Variants in CALY observed in about 807,000 individuals in gnomAD.
CALY encodes the protein neuron-specific vesicular protein calcyon.
Under a neutral mutation model 20.2 loss-of-function variants are expected in CALY, and 15 were observed. The observed-to-expected ratio is 0.74, with a 90% confidence interval of 0.50 to 1.14. The LOEUF is 1.14. Among genes scored for constraint, CALY ranks in the 50% most tolerant of loss-of-function variants. The probability of loss-of-function intolerance (pLI) is 0.00; values close to 1 mark genes in which losing one functional copy is unlikely to be tolerated. For synonymous variants in CALY, 129 were observed against 131.8 expected (o/e 0.98, Z 0.15); for missense variants, 270 against 304.4 (o/e 0.89, Z 0.84).
chr10:133,331,841 A>T (rs569186083), intron 1 of CALY, among the ~76,000 whole-genome samples: 1 of 152,222 alleles, frequency 6.6e-6, no homozygotes, highest in Non-Finnish European at 1.5e-5. Context: ...GGAAAAGAAC[A>T]TGGATTGCCA....
intron 3 of CALY, chr10:133,327,376 G>A (rs1233705120): frequency 4.0e-6 from 2 of 493,920 alleles, no homozygotes; most frequent in Non-Finnish European, 7.2e-6. Context: ...TGCCCACAGT[G>A]GGTGCATGTG....
At chr10:133,333,292 T>TGGG (rs371029336) in intron 1 of CALY, among the ~76,000 whole-genome samples, 2 of 36,728 alleles carry the variant, frequency 5.4e-5, no homozygotes, top group African/African-American at 1.9e-4. Context: ...ATTGAGGGGG[T>TGGG]GGGGGGGGGG....
intron 1 of CALY, among the ~76,000 whole-genome samples, chr10:133,336,169 G>A (rs1254421761): frequency 6.6e-6 from 1 of 152,146 alleles, no homozygotes; most frequent in African/African-American, 2.4e-5. Context: ...TGGCTGCCCC[G>A]CTTATTAAAA....
At chr10:133,329,078 A>G (rs1293081099) in intron 1 of CALY, 69 bp from the exon 2 acceptor site, 1 of 1,364,082 alleles carries the variant, frequency 7.3e-7, no homozygotes, top group African/African-American at 1.4e-5. Context: ...CTGGCTCTGA[A>G]GCCAGAGGAC....
chr10:133,329,326 C>A (rs999002819), intron 1 of CALY, among the ~76,000 whole-genome samples: 29 of 152,132 alleles, frequency 1.9e-4, no homozygotes, highest in African/African-American at 6.7e-4. Flanking sequence ...CCTCTTTTTT[C>A]TTCTTCTTCC....
rs151251649 is a variant in CALY, at chr10:133,326,037, G to C, written c.444C>G (p.Ile148Met). 29 of 1,591,830 alleles carry C rather than the reference G, an allele frequency of 1.8e-5. No individual in the cohort carries two copies. The African/African-American group carries it at 3.5e-4, about 19-fold the overall frequency. Residue 148 changes from isoleucine to methionine, a missense_variant, in exon 5 of 6, where the codon ATC becomes ATG. By Grantham distance (10) the Ile-to-Met change is conservative. Coordinates refer to ENST00000252939, the MANE Select transcript of CALY (RefSeq NM_015722.4). ...PERHRSILAA[I>M]GAYPLSRKHG... Reference sequence around the variant, plus strand: ...GCTTGCGGCTCAGCGGGTAGGCCCCGATGGCCGCCAGGATGCTGCGGTGGC... The same window carrying C: ...GCTTGCGGCTCAGCGGGTAGGCCCCCATGGCCGCCAGGATGCTGCGGTGGC...
chr10:133,326,862 G>A lies in CALY; in HGVS notation c.360+16C>T. 1 of 1,570,086 alleles carries A rather than the reference G, an allele frequency of 6.4e-7. No individual in the cohort carries two copies. The highest frequency in any genetic ancestry group is 1.2e-5 in the South Asian group (1 of 86,906). ...GGGCGGCTCTACACCCCCCACCAGA[G>A]CCCTGGCCCCCTTACCCGCAGCAGG... On this transcript the variant is annotated intron_variant, in intron 4 of 5. Transcript: ENST00000252939.
rs1848206534 is a variant in CALY at position 133,326,198 on chromosome 10, G to C, written c.361-78C>G. ...CGGGCCCAGGCCCTCCCGCTTCTGC[G>C]GTTGGGGACACTGCGGACAGTTTGT... On this transcript the variant is annotated intron_variant, in intron 4 of 5. Transcript: ENST00000252939. 9.6e-6 allele frequency: 15 copies of C among 1,556,906 alleles called. No individual in the cohort carries two copies. The South Asian group carries it at 1.4e-4, about 15-fold the overall frequency.
At chr10:133,333,296 G>C (rs1401047001) in intron 1 of CALY, among the ~76,000 whole-genome samples, 7 of 103,424 alleles carry the variant, frequency 6.8e-5, no homozygotes, top group Non-Finnish European at 1.2e-4. Flanking sequence ...AGGGGGTGGG[G>C]GGGGGGGAAG....
intron 1 of CALY, among the ~76,000 whole-genome samples, chr10:133,329,920 C>G (rs1434664067): frequency 6.6e-6 from 1 of 152,210 alleles, no homozygotes; most frequent in Admixed American, 6.5e-5. Flanking sequence ...CACAAGAGGG[C>G]ACCCGCGAGT....
Position 133,324,359 on chromosome 10 carries a change from C to T in CALY, c.*1236G>A, listed in dbSNP as rs757704705. The stretch of plus-strand genomic sequence containing the variant: ...AGGCTTCCTGGGCACTGCCGCTGTT[C>T]CAAAGCAGGCCAGTCCCACTGAGCT... On this transcript the variant is annotated 3_prime_UTR_variant, in exon 6 of 6. Coordinates refer to ENST00000252939, the MANE Select transcript of CALY (RefSeq NM_015722.4). The T allele has an allele frequency of 1.3e-5, 6 of 455,938 alleles. No individual in the cohort carries two copies. Among genetic ancestry groups the T allele is most frequent in the South Asian group, 9.3e-5 (6 of 64,528 alleles). 28.2% of individuals were successfully genotyped at this position (455,938 alleles called of 1,614,324 possible). A position where few individuals can be genotyped will look rare whatever the true frequency, so the allele number is the denominator to read the frequency against.
chr10:133,328,545 C>T (rs946293782), intron 2 of CALY, among the ~76,000 whole-genome samples: 5 of 152,214 alleles, frequency 3.3e-5, no homozygotes, highest in Admixed American at 6.5e-5. Context: ...GGCCATGCCC[C>T]GAGGGGAAGG....
At chr10:133,327,120 G>A in intron 3 of CALY, 129 bp from the exon 4 acceptor site, 1 of 671,336 alleles carries the variant, frequency 1.5e-6, no homozygotes, top group Non-Finnish European at 2.7e-6. Flanking sequence ...CCCGCCCTGG[G>A]CAGCCAGTGG....
chr10:133,327,085 C>A, intron 3 of CALY, 94 bp from the exon 4 acceptor site: 1 of 845,940 alleles, frequency 1.2e-6, no homozygotes, highest in South Asian at 1.5e-5. Flanking sequence ...GGACCATCCC[C>A]GCCCTCCAGT....
Position 133,324,682 on chromosome 10 carries a change from G to A in CALY, c.*913C>T, listed in dbSNP as rs916238304. ...TGCTGGCTGGGGTGGTGCAGGTGGT[G>A]GGTGAGATCTGCCGGAAGTCCATTC... is the stretch of plus-strand genomic sequence containing the variant. On this transcript the variant is annotated 3_prime_UTR_variant, in exon 6 of 6. Coordinates refer to ENST00000252939, the MANE Select transcript of CALY (RefSeq NM_015722.4). 5.6e-6 allele frequency: 2 copies of A among 359,830 alleles called. No homozygotes were observed. Among genetic ancestry groups the A allele is most frequent in the African/African-American group, 4.4e-5 (2 of 45,674 alleles). The allele number at this position is 359,830 out of a possible 1,614,324, so 22.3% of individuals were successfully genotyped here.
At chr10:133,333,525 G>T (rs1848357497) in intron 1 of CALY, among the ~76,000 whole-genome samples, 1 of 151,240 alleles carries the variant, frequency 6.6e-6, no homozygotes, top group Non-Finnish European at 1.5e-5. Context: ...AGGGTGGAAG[G>T]ATCTGAGGGG....
At chr10:133,327,179 GC>G (rs1261889069) in intron 3 of CALY, among the ~76,000 whole-genome samples, 188 bp from the exon 4 acceptor site, 1 of 152,262 alleles carries the variant, frequency 6.6e-6, no homozygotes, top group East Asian at 1.9e-4. Context: ...ACCCCTCGGG[GC>G]CAGGCCTTGC....
intron 1 of CALY, among the ~76,000 whole-genome samples, chr10:133,334,577 G>A (rs571652728): frequency 1.4e-3 from 202 of 146,604 alleles, no homozygotes; most frequent in Middle Eastern, 7.0e-3. Context: ...TGAGGGGGAA[G>A]GACATGAGGG....
intron 1 of CALY, among the ~76,000 whole-genome samples, chr10:133,331,986 G>A (rs1848316789): frequency 1.3e-5 from 2 of 152,136 alleles, no homozygotes; most frequent in South Asian, 4.1e-4. Flanking sequence ...AACTAGCCGG[G>A]CATGGTGGTA....
Sources: gnomAD v4.1 joint callset for allele counts (sites outside exome capture counted in the v4.1 genomes callset) on GRCh38, gnomAD v4.1.1 for gene constraint, MANE v1.5 for transcripts, NCBI Gene and HGNC (gene_info 2026-07-23, HGNC 2026-07-21) for gene names.